Variants in ZNF594 observed in about 807,000 individuals in gnomAD.
ZNF594 encodes zinc finger protein HZF18.
For synonymous variants in ZNF594, 336 were observed against 309.4 expected (o/e 1.09, Z -0.90); for missense variants, 1,037 against 964.6 (o/e 1.08, Z -0.99).
At position 5,183,472 on chromosome 17, in the gene ZNF594, G is replaced by A; in HGVS notation, c.785C>T (p.Thr262Ile). ...ATAACATTCATAGGGTTTCTCTCCA[G>A]TGTGAATTCTGTGATGTATAATAAG... The part of the protein sequence containing the change: ...TDLIIHHRIH[T>I]GEKPYECYDC... Residue 262 changes from threonine (T) to isoleucine (I), a missense_variant, in exon 2 of 2, where the codon ACT becomes ATT. By Grantham distance (89) the Thr-to-Ile change is moderately conservative. Transcript: ENST00000575779. 6.2e-7 allele frequency: 1 copy of A among 1,614,056 alleles called. No homozygotes were observed. Among genetic ancestry groups the A allele is most frequent in the East Asian group, 2.2e-5 (1 of 44,884 alleles).
At chr17:5,189,145 T>C (rs1435481080) in intron 1 of ZNF594, among the ~76,000 whole-genome samples, 1 of 151,064 alleles carries the variant, frequency 6.6e-6, no homozygotes, top group Non-Finnish European at 1.5e-5. Context: ...GGGGCCTCAG[T>C]ATACTGCCCA....
downstream of ZNF594, chr17:5,174,857 A>T (rs3786048): frequency 5.5e-3 from 1,056 of 191,628 alleles, 14 homozygotes; most frequent in East Asian, 0.036. Context: ...TAATGTACAT[A>T]AATAGAGTGT....
At position 5,183,309 on chromosome 17, in the gene ZNF594, G is replaced by A; in HGVS notation, c.948C>T (p.Leu316=). Residue 316 remains leucine (L), a synonymous_variant, in exon 2 of 2, where the codon CTC becomes CTT. Coordinates refer to ENST00000575779, the MANE Select transcript of ZNF594 (RefSeq NM_032530.2). The part of the protein sequence containing the change: ...QHSHLTEHQR[L]HSGEKPYECH... ...ATTCATAGGGTTTCTCTCCACTGTG[G>A]AGTCTCTGGTGTTCAGTAAGGTGAG... The A allele has an allele frequency of 1.9e-6, 3 of 1,613,946 alleles. No homozygotes were observed. The highest frequency in any genetic ancestry group is 1.1e-5 in the South Asian group (1 of 91,080).
chr17:5,181,395 C>A lies in ZNF594; in HGVS notation c.*438G>T. The A allele has an allele frequency of 6.2e-7, 1 of 1,613,076 alleles. No individual in the cohort carries two copies. The highest frequency in any genetic ancestry group is 8.5e-7 in the Non-Finnish European group (1 of 1,179,182). Reference sequence around the variant, plus strand: ...GAAAGCCCTACCACACTGATTACACCAATAAGCTTTCTCTTCTTGGTGAAT... The same window carrying A: ...GAAAGCCCTACCACACTGATTACACAAATAAGCTTTCTCTTCTTGGTGAAT... On this transcript the variant is annotated 3_prime_UTR_variant, in exon 2 of 2. Transcript: ENST00000575779.
intron 1 of ZNF594, among the ~76,000 whole-genome samples, chr17:5,185,518 A>G (rs148269984): frequency 2.2e-4 from 34 of 152,248 alleles, no homozygotes; most frequent in African/African-American, 7.9e-4. Context: ...GAGCCAAACC[A>G]TATCATTCTG....
downstream of ZNF594, among the ~76,000 whole-genome samples, chr17:5,175,934 C>A (rs188665139): frequency 2.0e-5 from 3 of 152,316 alleles, no homozygotes; most frequent in East Asian, 5.8e-4. Flanking sequence ...CAAACCCTGG[C>A]ACAGTTGCTT....
At chr17:5,188,750 C>CTT (rs34604391) in intron 1 of ZNF594, among the ~76,000 whole-genome samples, 248 of 140,872 alleles carry the variant, frequency 1.8e-3, no homozygotes, top group Admixed American at 4.6e-3. Context: ...AAAATTTTGA[C>CTT]TTTTTTTTTT....
intron 1 of ZNF594, among the ~76,000 whole-genome samples, chr17:5,188,164 G>GTT (rs74266329): frequency 3.2e-4 from 33 of 104,410 alleles, no homozygotes; most frequent in African/African-American, 7.2e-4. Flanking sequence ...AGTGTTTAGT[G>GTT]TTTTTTTTTT....
chr17:5,175,748 C>T (rs1482274489), downstream of ZNF594, among the ~76,000 whole-genome samples: 1 of 152,050 alleles, frequency 6.6e-6, no homozygotes, highest in Non-Finnish European at 1.5e-5. Flanking sequence ...TTCTAGCGGG[C>T]ACCGAGAAAC....
At chr17:5,176,083 A>T (rs1186123418), downstream of ZNF594, among the ~76,000 whole-genome samples, 1 of 152,224 alleles carries the variant, frequency 6.6e-6, no homozygotes, top group Non-Finnish European at 1.5e-5. Context: ...TTTTCCAAAA[A>T]CAAGAATACA....
Position 5,181,105 on chromosome 17 carries a change from G to GT in ZNF594, c.*727dup. ...TGAATTCTTTGATGACTGACAAGGT[G>GT]TGAGTTCTGACTGAAGGCCTTCCAA... On this transcript the variant is annotated 3_prime_UTR_variant, in exon 2 of 2. Coordinates refer to ENST00000575779, the MANE Select transcript of ZNF594 (RefSeq NM_032530.2). 1 of 1,503,206 alleles carries GT rather than the reference G, an allele frequency of 6.7e-7. No homozygotes were observed. Among genetic ancestry groups the GT allele is most frequent in the Non-Finnish European group, 9.2e-7 (1 of 1,085,608 alleles). The allele number at this position is 1,503,206 out of a possible 1,614,324, so 93.1% of individuals were successfully genotyped here.
chr17:5,177,378 G>A (rs1288074435), downstream of ZNF594, among the ~76,000 whole-genome samples: 1 of 152,078 alleles, frequency 6.6e-6, no homozygotes, highest in Admixed American at 6.5e-5. Context: ...AGGACTACAA[G>A]TTTGACAACA....
At chr17:5,186,358 T>C (rs908466748) in intron 1 of ZNF594, among the ~76,000 whole-genome samples, 1 of 152,246 alleles carries the variant, frequency 6.6e-6, no homozygotes, top group Non-Finnish European at 1.5e-5. Flanking sequence ...CATTGGCCCC[T>C]TTCAGCCATG....
chr17:5,186,043 G>A (rs751466763), intron 1 of ZNF594, among the ~76,000 whole-genome samples: 10 of 152,150 alleles, frequency 6.6e-5, no homozygotes, highest in Non-Finnish European at 8.8e-5. Flanking sequence ...CTACCATTCT[G>A]GGGTCTGGAG....
chr17:5,175,082 A>AGG (rs1257328672), downstream of ZNF594: 1 of 173,908 alleles, frequency 5.8e-6, no homozygotes, highest in Non-Finnish European at 1.2e-5. Context: ...CTACTTGAAT[A>AGG]ATTTCTTTCT....
chr17:5,182,346 T>C lies in ZNF594; in HGVS notation c.1911A>G (p.Ser637=). The change falls in exon 2 of 2, where the codon TCA becomes TCG. Residue 637 remains serine (S), a synonymous_variant. Coordinates refer to ENST00000575779, the MANE Select transcript of ZNF594 (RefSeq NM_032530.2). ...NKCGKSFRGS[S]DLIKHHRIHT... ...GAATACGATGGTGTTTAATAAGATC[T>C]GAGCTACCCCTAAAAGATTTCCCAC... 6.2e-7 allele frequency: 1 copy of C among 1,613,640 alleles called. No homozygotes were observed. The highest frequency in any genetic ancestry group is 8.5e-7 in the Non-Finnish European group (1 of 1,179,990).
At position 5,181,308 on chromosome 17, in the gene ZNF594, C is replaced by T; in HGVS notation, c.*525G>A. Reference sequence around the variant, plus strand: ...ATTGAAAGTTTTCCCACATTCTTTACATTCATATGGTTTCTCTCCTGTATG... The same window carrying T: ...ATTGAAAGTTTTCCCACATTCTTTATATTCATATGGTTTCTCTCCTGTATG... On this transcript the variant is annotated 3_prime_UTR_variant, in exon 2 of 2. Coordinates refer to ENST00000575779, the MANE Select transcript of ZNF594 (RefSeq NM_032530.2). 1 of 1,612,888 alleles carries T rather than the reference C, an allele frequency of 6.2e-7. No individual in the cohort carries two copies. The highest frequency in any genetic ancestry group is 2.2e-5 in the East Asian group (1 of 44,862).
At chr17:5,188,994 G>A (rs377166228) in intron 1 of ZNF594, among the ~76,000 whole-genome samples, 58 of 151,496 alleles carry the variant, frequency 3.8e-4, no homozygotes, top group African/African-American at 8.2e-4. Flanking sequence ...TGATCTGCCC[G>A]CCTTGGCCTC....
downstream of ZNF594, among the ~76,000 whole-genome samples, chr17:5,175,987 GA>G (rs1249385104): frequency 3.9e-5 from 6 of 152,212 alleles, no homozygotes; most frequent in Non-Finnish European, 8.8e-5. Flanking sequence ...ATTTCACAAA[GA>G]GGGATTTTTT....
Sources: allele counts gnomAD v4.1 joint callset (sites outside exome capture counted in the v4.1 genomes callset), GRCh38; gene constraint gnomAD v4.1.1; transcripts MANE v1.5; gene names NCBI Gene and HGNC (gene_info 2026-07-23, HGNC 2026-07-21).